OR10J1: variants seen among roughly 807,000 people sequenced by gnomAD.
OR10J1 encodes olfactory receptor 10J1.
For missense variants in OR10J1, 474 were observed against 376.6 expected, an observed-to-expected ratio of 1.26 and a Z score of -2.14; for synonymous variants, 202 against 143.8, an observed-to-expected ratio of 1.40 and a Z score of -2.89.
the OR10J1 span, chr1:159,406,141 C>T: frequency 2.1e-6 from 1 of 474,448 alleles, no homozygotes; most frequent in African/African-American, 2.0e-5. Context: ...GTAATGGCCA[C>T]CATGTAGCAG....
At chr1:159,408,661 G>A in the OR10J1 span, among the ~76,000 whole-genome samples, 6 of 151,782 alleles carry the variant, frequency 4.0e-5, no homozygotes, top group African/African-American at 1.2e-4. Flanking sequence ...ATTCCACCTG[G>A]GCAAAGTCTG....
At chr1:159,434,987 G>A (rs1655695485), upstream of OR10J1, among the ~76,000 whole-genome samples, 1 of 152,054 alleles carries the variant, frequency 6.6e-6, no homozygotes, top group Non-Finnish European at 1.5e-5. Flanking sequence ...TTTGTAACTG[G>A]GCTTCTCTTA....
the OR10J1 span, among the ~76,000 whole-genome samples, chr1:159,427,162 C>A: frequency 6.6e-6 from 1 of 151,586 alleles, no homozygotes; most frequent in East Asian, 1.9e-4. Flanking sequence ...TACGGCTTCA[C>A]AAAAAGACTA....
upstream of OR10J1, chr1:159,437,782 C>T (rs930261956): frequency 6.6e-6 from 1 of 152,306 alleles, no homozygotes; most frequent in Non-Finnish European, 1.5e-5. Context: ...GAGAGCATCT[C>T]CTCTGGCTTC....
the OR10J1 span, among the ~76,000 whole-genome samples, chr1:159,421,760 T>G: frequency 6.6e-6 from 1 of 152,154 alleles, no homozygotes; most frequent in Non-Finnish European, 1.5e-5. Context: ...GGTGAGCTAG[T>G]CTTTGGGCCT....
At position 159,440,638 on chromosome 1, in the gene OR10J1, C is replaced by T. The variant is rs1655918213; in HGVS notation, c.847C>T (p.Leu283=). 1.9e-6 allele frequency: 3 copies of T among 1,613,970 alleles called. No homozygotes were observed. The highest frequency in any genetic ancestry group is 2.5e-6 in the Non-Finnish European group (3 of 1,179,992). ...ISVTYTVITP[L]LNPVVYTLRN... is the part of the protein sequence containing the mutation. ...GGTGACCTACACTGTCATCACTCCC[C>T]TACTGAACCCTGTGGTATACACCCT... The change falls in exon 1 of 1, where the codon CTA becomes TTA. Residue 283 remains leucine (L), a synonymous_variant. Transcript: ENST00000423932.
upstream of OR10J1, among the ~76,000 whole-genome samples, chr1:159,436,700 A>T (rs1224377995): frequency 6.6e-6 from 1 of 152,112 alleles, no homozygotes; most frequent in Admixed American, 6.6e-5. Flanking sequence ...CTTCCTTAAG[A>T]CGCCACTTGC....
rs1206776534 is a variant in OR10J1, at chr1:159,440,346, G to A, written c.555G>A (p.Lys185=). Residue 185 remains lysine (K), a synonymous_variant, in exon 1 of 1, where the codon AAG becomes AAA. Coordinates refer to ENST00000423932, the MANE Select transcript of OR10J1 (RefSeq NM_012351.3). The part of the protein sequence containing the change: ...HFFCDIRPVM[K]LSCIDTTVNE... Reference sequence around the variant, plus strand: ...TCTGTGACATCCGCCCTGTGATGAAGCTCTCCTGCATTGACACCACTGTCA... The same window carrying A: ...TCTGTGACATCCGCCCTGTGATGAAACTCTCCTGCATTGACACCACTGTCA... 5.0e-6 allele frequency: 8 copies of A among 1,614,182 alleles called. No homozygotes were observed. Among genetic ancestry groups the A allele is most frequent in the Admixed American group, 1.7e-5 (1 of 60,028 alleles).
Position 159,440,562 on chromosome 1 carries a change from C to G in OR10J1, c.771C>G (p.Ala257=). The G allele has an allele frequency of 6.2e-7, 1 of 1,614,054 alleles. No individual in the cohort carries two copies. Among genetic ancestry groups the G allele is most frequent in the Non-Finnish European group, 8.5e-7 (1 of 1,179,988 alleles). The change falls in exon 1 of 1, where the codon GCC becomes GCG. Residue 257 remains alanine (A), a synonymous_variant. Coordinates refer to ENST00000423932, the MANE Select transcript of OR10J1 (RefSeq NM_012351.3). ...VIVHYSCASI[A]YLKPKSENTR... is the part of the protein sequence containing the mutation. ...TCCACTACAGCTGTGCCTCCATTGC[C>G]TACCTCAAGCCCAAGTCAGAGAACA...
chr1:159,434,917 C>T (rs1655693593), upstream of OR10J1, among the ~76,000 whole-genome samples: 1 of 152,192 alleles, frequency 6.6e-6, no homozygotes, highest in Non-Finnish European at 1.5e-5. Flanking sequence ...CTAGCTTTAA[C>T]AATAGGATTC....
the OR10J1 span, among the ~76,000 whole-genome samples, chr1:159,425,512 T>C: frequency 1.3e-5 from 2 of 152,110 alleles, no homozygotes; most frequent in Non-Finnish European, 2.9e-5. Flanking sequence ...GAAAAGGCTT[T>C]ATAGTTCTGA....
chr1:159,426,060 G>A, the OR10J1 span, among the ~76,000 whole-genome samples: 1 of 151,878 alleles, frequency 6.6e-6, no homozygotes, highest in African/African-American at 2.4e-5. Flanking sequence ...AGAAATGGTG[G>A]ATATCTAACT....
the OR10J1 span, among the ~76,000 whole-genome samples, chr1:159,404,421 A>G: frequency 6.6e-6 from 1 of 152,102 alleles, no homozygotes; most frequent in Non-Finnish European, 1.5e-5. Flanking sequence ...GAATTGCAGC[A>G]TAGGATTCTG....
At chr1:159,421,209 T>C in the OR10J1 span, among the ~76,000 whole-genome samples, 131 of 152,282 alleles carry the variant, frequency 8.6e-4, no homozygotes, top group African/African-American at 3.1e-3. Context: ...ATTTTGTATT[T>C]TATTTAATGA....
At chr1:159,418,722 C>G in the OR10J1 span, among the ~76,000 whole-genome samples, 1 of 152,170 alleles carries the variant, frequency 6.6e-6, no homozygotes, top group Admixed American at 6.5e-5. Context: ...GTCCTCCAGA[C>G]CTCAGAATGG....
At chr1:159,433,780 C>T (rs766396576), upstream of OR10J1, among the ~76,000 whole-genome samples, 3 of 152,114 alleles carry the variant, frequency 2.0e-5, no homozygotes, top group African/African-American at 7.2e-5. Context: ...AAGGTGGTAC[C>T]TATGTCTATG....
chr1:159,402,536 T>G, the OR10J1 span, among the ~76,000 whole-genome samples: 1 of 151,990 alleles, frequency 6.6e-6, no homozygotes, highest in Admixed American at 6.6e-5. Context: ...ATGAATTATC[T>G]AGGAATGAAC....
In OR10J1 at chr1:159,440,071, T is replaced by C. The variant is rs1655881248; in HGVS notation, c.280T>C (p.Leu94=). The change falls in exon 1 of 1, where the codon TTG becomes CTG. Residue 94 remains leucine (L), a synonymous_variant. Transcript: ENST00000423932. ...CGTAGGTATGAGCCAGCCCATATCA[T>C]TGGCAGGGTGTGCCACACAGATGTT... ...SLVGMSQPIS[L]AGCATQMFFF... 3 of 1,614,140 alleles carry C rather than the reference T, an allele frequency of 1.9e-6. No homozygotes were observed.
upstream of OR10J1, among the ~76,000 whole-genome samples, chr1:159,436,937 C>T (rs562094846): frequency 7.9e-5 from 12 of 152,222 alleles, no homozygotes; most frequent in Non-Finnish European, 1.8e-4. Context: ...AAACCCTGAG[C>T]TCCTGGAGGG....
Sources: gnomAD v4.1 joint callset for allele counts (sites outside exome capture counted in the v4.1 genomes callset) on GRCh38, gnomAD v4.1.1 for gene constraint, MANE v1.5 for transcripts, NCBI Gene and HGNC (gene_info 2026-07-23, HGNC 2026-07-21) for gene names.